The following SPTBN1 variants were observed in gnomAD, a reference collection of about 807,000 sequenced individuals.
SPTBN1 encodes spectrin beta, non-erythrocytic 1, also known as spectrin beta chain, non-erythrocytic 1.
A neutral mutation model predicts 266.4 loss-of-function variants in SPTBN1; 32 were observed. The ratio of observed to expected loss-of-function variants is 0.12; its 90% confidence interval spans 0.09 to 0.16. SPTBN1 has a LOEUF of 0.16. Ranked by LOEUF, SPTBN1 falls within the 10% of genes least tolerant of loss-of-function variation. The pLI is 1.00. For missense variants in SPTBN1, 2,296 were observed against 3,067.1 expected (o/e 0.75, Z 5.94); for synonymous variants, 1,336 against 1,162.2 (o/e 1.15, Z -3.04).
intron 32 of SPTBN1, chr2:54,660,950 G>C (rs976009983): frequency 3.0e-6 from 3 of 985,260 alleles, no homozygotes; most frequent in Admixed American, 1.2e-4. Context: ...GTGTCAAACT[G>C]TTTTAATTTT....
At chr2:54,623,045 A>G (rs557300308) in intron 9 of SPTBN1, among the ~76,000 whole-genome samples, 5 of 152,170 alleles carry the variant, frequency 3.3e-5, no homozygotes, top group Non-Finnish European at 7.4e-5. Context: ...GACCTTATCT[A>G]TTGCTTACCA....
chr2:54,636,444 C>T (rs1368790582), intron 17 of SPTBN1, among the ~76,000 whole-genome samples: 1 of 152,202 alleles, frequency 6.6e-6, no homozygotes, highest in Non-Finnish European at 1.5e-5. Flanking sequence ...GCTATAGGGG[C>T]AGAGGGCTTT....
rs76248458 is a variant in SPTBN1, at chr2:54,597,013, G to A, written c.149-2079G>A. Among the ~76,000 whole-genome samples the A allele has an allele frequency of 1.3e-4, 20 of 152,312 alleles. 1 individual carries two copies. The East Asian group carries it at 3.9e-3, about 29-fold the overall frequency. ...GATTCACCCAAAAGAGTGACAATTG[G>A]CTGAGGAACACATTTTGTGCTTGTT... On this transcript the variant is annotated intron_variant, in intron 2 of 35. Coordinates refer to ENST00000356805, the MANE Select transcript of SPTBN1 (RefSeq NM_003128.3).
rs548799272 is a variant in SPTBN1 at position 54,486,158 on chromosome 2, C to T, written c.-48+29640C>T. Among the ~76,000 whole-genome samples the T allele has an allele frequency of 6.2e-3, 860 of 137,704 alleles. 10 individuals carry two copies. Among genetic ancestry groups the T allele is most frequent in the African/African-American group, 0.02 (804 of 40,184 alleles). The allele number at this position is 137,704 out of a possible 152,430, so 90.3% of individuals were successfully genotyped here. A position where few individuals can be genotyped will look rare whatever the true frequency, so the allele number is the denominator to read the frequency against. On this transcript the variant is annotated intron_variant, in intron 1 of 35. Transcript: ENST00000356805. ...CTGGGAGGTGAGGGGCGCCTCTGCC[C>T]GGCCGCCCCTGCTGGGAAGTGAGGA...
chr2:54,629,979 C>T lies in SPTBN1; in HGVS notation c.2757C>T (p.Gly919=). Residue 919 remains glycine (G), a synonymous_variant, in exon 15 of 36, where the codon GGC becomes GGT. Coordinates refer to ENST00000356805, the MANE Select transcript of SPTBN1 (RefSeq NM_003128.3). ...TTGCACGCCAGCTGATGCACAGCGG[C>T]CACCCAAGTGAGAAGGAAATCAAAG... ...NQIARQLMHS[G]HPSEKEIKAQ... The T allele has an allele frequency of 6.2e-7, 1 of 1,614,114 alleles. No individual in the cohort carries two copies. The highest frequency in any genetic ancestry group is 8.5e-7 in the Non-Finnish European group (1 of 1,180,030).
intron 1 of SPTBN1, among the ~76,000 whole-genome samples, chr2:54,463,190 C>T (rs1232555175): frequency 6.6e-6 from 1 of 152,054 alleles, no homozygotes; most frequent in African/African-American, 2.4e-5. Flanking sequence ...CTATGCGAAG[C>T]TATTTGTAGG....
At chr2:54,456,909 C>T (rs1490485027) in intron 1 of SPTBN1, among the ~76,000 whole-genome samples, 1 of 150,290 alleles carries the variant, frequency 6.7e-6, no homozygotes. Context: ...CGCGGAGGCC[C>T]CTGGCGCGGA....
intron 2 of SPTBN1, among the ~76,000 whole-genome samples, chr2:54,579,317 T>C (rs1303760775): frequency 1.3e-5 from 2 of 152,210 alleles, no homozygotes; most frequent in Non-Finnish European, 2.9e-5. Flanking sequence ...AGAGATCGAA[T>C]ACAGTGCCAG....
intron 7 of SPTBN1, among the ~76,000 whole-genome samples, chr2:54,620,895 G>T (rs1199021531): frequency 6.6e-6 from 1 of 152,160 alleles, no homozygotes; most frequent in Non-Finnish European, 1.5e-5. Context: ...CAGTCTGGGT[G>T]CACTATGTGA....
chr2:54,507,320 AAAAAT>A (rs1669626533), intron 1 of SPTBN1, among the ~76,000 whole-genome samples: 1 of 152,130 alleles, frequency 6.6e-6, no homozygotes. Flanking sequence ...TATTAATAAG[AAAAAT>A]AAAATAGTGG....
chr2:54,610,681 C>G (rs1040509178), intron 3 of SPTBN1, among the ~76,000 whole-genome samples: 2 of 152,180 alleles, frequency 1.3e-5, no homozygotes, highest in South Asian at 4.1e-4. Flanking sequence ...TTTTTTTAGT[C>G]TTCAAATGGT....
chr2:54,539,572 C>T (rs1315409621), intron 2 of SPTBN1, among the ~76,000 whole-genome samples: 1 of 152,158 alleles, frequency 6.6e-6, no homozygotes, highest in Non-Finnish European at 1.5e-5. Context: ...CAGGGTCTTG[C>T]TCTGTCATCC....
intron 1 of SPTBN1, among the ~76,000 whole-genome samples, chr2:54,461,279 G>T (rs1380549299): frequency 1.3e-5 from 2 of 152,044 alleles, no homozygotes; most frequent in Non-Finnish European, 2.9e-5. Flanking sequence ...CCATTTCATG[G>T]CTGTATTTCA....
chr2:54,520,552 C>T (rs556769358), intron 1 of SPTBN1: 1 of 152,058 alleles, frequency 6.6e-6, no homozygotes, highest in Non-Finnish European at 1.5e-5. Flanking sequence ...ATGGAAAATT[C>T]CAGTTCATAG....
intron 10 of SPTBN1, among the ~76,000 whole-genome samples, chr2:54,624,375 G>A (rs1168118980): frequency 4.6e-5 from 7 of 152,130 alleles, no homozygotes; most frequent in Non-Finnish European, 1.5e-5. Context: ...TCAGGATTTT[G>A]AAAGAAATTT....
At chr2:54,507,301 GTCT>G (rs1669625695) in intron 1 of SPTBN1, among the ~76,000 whole-genome samples, 1 of 151,910 alleles carries the variant, frequency 6.6e-6, no homozygotes, top group Non-Finnish European at 1.5e-5. Context: ...TGACATTCCT[GTCT>G]TCTTATATTA....
intron 2 of SPTBN1, among the ~76,000 whole-genome samples, chr2:54,577,256 T>C (rs1292003572): frequency 2.0e-5 from 3 of 152,182 alleles, no homozygotes; most frequent in Non-Finnish European, 4.4e-5. Context: ...GATTGTCTGA[T>C]ACAGATTTGA....
chr2:54,483,159 T>C (rs1358485119), intron 1 of SPTBN1, among the ~76,000 whole-genome samples: 1 of 152,206 alleles, frequency 6.6e-6, no homozygotes, highest in African/African-American at 2.4e-5. Context: ...TTATCTCTTC[T>C]GCTGGAGAAA....
intron 35 of SPTBN1, among the ~76,000 whole-genome samples, chr2:54,668,102 C>T (rs1180475776): frequency 6.6e-6 from 1 of 152,196 alleles, no homozygotes; most frequent in African/African-American, 2.4e-5. Flanking sequence ...CAGATTGAGA[C>T]TGGTCTTCCA....
Sources: allele counts gnomAD v4.1 joint callset (sites outside exome capture counted in the v4.1 genomes callset), GRCh38; gene constraint gnomAD v4.1.1; transcripts MANE v1.5; gene names NCBI Gene and HGNC (gene_info 2026-07-23, HGNC 2026-07-21).